The following SLC38A1 variants were observed in gnomAD, a reference collection of about 807,000 sequenced individuals.
The protein encoded by SLC38A1 is solute carrier family 38 member 1, also known as sodium-coupled neutral amino acid symporter 1.
In SLC38A1, 18 loss-of-function variants were observed where a neutral mutation model predicts 60.3. The observed-to-expected ratio is 0.30, with a 90% CI of 0.21 to 0.44. SLC38A1 has a LOEUF of 0.44. Among genes scored for constraint, SLC38A1 ranks in the 20% least tolerant of loss-of-function variants. The pLI is 1.00. For synonymous variants in SLC38A1, 196 were observed against 212.1 expected, an observed-to-expected ratio of 0.92 and a Z score of 0.66; for missense variants, 448 against 587.2, an observed-to-expected ratio of 0.76 and a Z score of 2.45.
chr12:46,206,888 G>C (rs948547103), intron 8 of SLC38A1, among the ~76,000 whole-genome samples: 1 of 152,142 alleles, frequency 6.6e-6, no homozygotes, highest in Non-Finnish European at 1.5e-5. Context: ...ACAGAAACTA[G>C]ATATAGATTT....
At position 46,232,140 on chromosome 12, in the gene SLC38A1, G is replaced by A. The variant is rs1164901619; in HGVS notation, c.123-2501C>T. 2.6e-5 allele frequency among the ~76,000 whole-genome samples: 4 copies of A among 152,292 alleles called. No individual in the cohort carries two copies. In the East Asian group the frequency reaches 7.7e-4, roughly 29 times the overall value. On this transcript the variant is annotated intron_variant, in intron 3 of 16. Transcript: ENST00000398637. ...ACTCTGGGATCATCAGTTGGTATAA[G>A]CTATACAATCTGCAGACACTGCTTT...
At chr12:46,242,697 G>A (rs1259122561) in intron 2 of SLC38A1, among the ~76,000 whole-genome samples, 1 of 152,184 alleles carries the variant, frequency 6.6e-6, no homozygotes, top group Non-Finnish European at 1.5e-5. Flanking sequence ...AGCTACTTGA[G>A]AGGCTGTGGT....
chr12:46,206,247 T>C, intron 8 of SLC38A1, 85 bp from the exon 9 acceptor site: 1 of 668,492 alleles, frequency 1.5e-6, no homozygotes, highest in Non-Finnish European at 2.5e-6. Context: ...GATATCATGA[T>C]ATATATTTTT....
chr12:46,197,901 A>G lies in SLC38A1; in HGVS notation c.1264+18T>C. On this transcript the variant is annotated intron_variant, in intron 15 of 16. Transcript: ENST00000398637. ...ACAGCTACTGTAGAATGACAAGCACAAAGTCATGAAGCCATACCTACGACT... is the reference window on the plus strand; with the variant it reads ...ACAGCTACTGTAGAATGACAAGCACGAAGTCATGAAGCCATACCTACGACT... 6.2e-7 allele frequency: 1 copy of G among 1,612,356 alleles called. No homozygotes were observed. The highest frequency in any genetic ancestry group is 8.5e-7 in the Non-Finnish European group (1 of 1,179,430).
intron 8 of SLC38A1, among the ~76,000 whole-genome samples, 190 bp downstream of exon 8, chr12:46,206,965 G>T (rs188055609): frequency 6.1e-4 from 93 of 152,284 alleles, no homozygotes; most frequent in African/African-American, 2.1e-3. Context: ...TTTCAAATGT[G>T]CATATGCAAA....
intron 16 of SLC38A1, among the ~76,000 whole-genome samples, chr12:46,191,640 G>A (rs980795380): frequency 6.6e-6 from 1 of 152,064 alleles, no homozygotes; most frequent in Admixed American, 6.5e-5. Flanking sequence ...CCTTGAAGAG[G>A]TCCTTCACAT....
chr12:46,209,588 T>C (rs1203272071), intron 5 of SLC38A1, among the ~76,000 whole-genome samples: 1 of 152,176 alleles, frequency 6.6e-6, no homozygotes, highest in African/African-American at 2.4e-5. Context: ...GCCCATAATA[T>C]AAAGATACAA....
At chr12:46,232,437 C>T (rs1180735464) in intron 3 of SLC38A1, among the ~76,000 whole-genome samples, 1 of 152,244 alleles carries the variant, frequency 6.6e-6, no homozygotes, top group Non-Finnish European at 1.5e-5. Context: ...AATATATTTG[C>T]AGGCAAACTC....
At chr12:46,256,123 G>A (rs1357240806) in intron 1 of SLC38A1, among the ~76,000 whole-genome samples, 1 of 142,218 alleles carries the variant, frequency 7.0e-6, no homozygotes, top group Non-Finnish European at 1.5e-5. Flanking sequence ...TCGAGATCAC[G>A]CCACTGCACT....
intron 1 of SLC38A1, among the ~76,000 whole-genome samples, chr12:46,266,993 T>G (rs1228149924): frequency 1.3e-5 from 2 of 152,162 alleles, no homozygotes; most frequent in Non-Finnish European, 2.9e-5. Context: ...CATGAGACAT[T>G]TGACAACGAG....
intron 1 of SLC38A1, among the ~76,000 whole-genome samples, chr12:46,252,721 TG>T (rs2138731192): frequency 6.6e-6 from 1 of 152,152 alleles, no homozygotes; most frequent in South Asian, 2.1e-4. Flanking sequence ...TGGCCTTCCA[TG>T]GTTTTTCTAT....
At chr12:46,253,952 G>A (rs1468247277) in intron 1 of SLC38A1, among the ~76,000 whole-genome samples, 2 of 152,106 alleles carry the variant, frequency 1.3e-5, no homozygotes, top group Non-Finnish European at 2.9e-5. Context: ...TGACTCTTAA[G>A]TTCTGACAAA....
At chr12:46,253,821 C>G (rs1941938677) in intron 1 of SLC38A1, among the ~76,000 whole-genome samples, 1 of 152,142 alleles carries the variant, frequency 6.6e-6, no homozygotes, top group South Asian at 2.1e-4. Context: ...GAAAATCCAT[C>G]TTTAGTAACT....
intron 5 of SLC38A1, among the ~76,000 whole-genome samples, chr12:46,220,523 A>G (rs186980409): frequency 5.9e-5 from 9 of 152,326 alleles, no homozygotes; most frequent in Admixed American, 2.0e-4. Context: ...CTCTGTCTTT[A>G]GATCACAAGA....
At chr12:46,196,116 G>A (rs1419056635) in intron 16 of SLC38A1, 2 of 1,531,442 alleles carry the variant, frequency 1.3e-6, no homozygotes, top group Non-Finnish European at 1.7e-6. Context: ...TATTAGCAGT[G>A]TGAGAACAGA....
At chr12:46,199,305 CTTTG>C (rs1162758981) in intron 13 of SLC38A1, among the ~76,000 whole-genome samples, 2 of 112,452 alleles carry the variant, frequency 1.8e-5, no homozygotes, top group Admixed American at 9.7e-5. Flanking sequence ...TTATGTACTA[CTTTG>C]TGTGTGTGTG....
chr12:46,250,404 A>G (rs1214172915), intron 1 of SLC38A1, among the ~76,000 whole-genome samples: 1 of 152,236 alleles, frequency 6.6e-6, no homozygotes, highest in East Asian at 1.9e-4. Flanking sequence ...ACAAACTGGA[A>G]GCATTCCCTT....
chr12:46,193,120 T>C (rs1190979678), intron 16 of SLC38A1, among the ~76,000 whole-genome samples: 1 of 152,236 alleles, frequency 6.6e-6, no homozygotes, highest in African/African-American at 2.4e-5. Context: ...CCAGAGATTC[T>C]GGTACATTGC....
intron 1 of SLC38A1, among the ~76,000 whole-genome samples, chr12:46,255,134 A>G (rs1171080756): frequency 6.6e-6 from 1 of 152,206 alleles, no homozygotes; most frequent in Non-Finnish European, 1.5e-5. Flanking sequence ...TGCATTTTAG[A>G]ACATCTGTCA....
Sources: gnomAD v4.1 joint callset for allele counts (sites outside exome capture counted in the v4.1 genomes callset) on GRCh38, gnomAD v4.1.1 for gene constraint, MANE v1.5 for transcripts, NCBI Gene and HGNC (gene_info 2026-07-23, HGNC 2026-07-21) for gene names.